DYRK1A: variants seen among roughly 807,000 people sequenced by gnomAD.
DYRK1A encodes dual specificity tyrosine phosphorylation regulated kinase 1A, also known as dual specificity tyrosine-phosphorylation-regulated kinase 1A.
In DYRK1A, 9 loss-of-function variants were observed where a neutral mutation model predicts 79.7. The observed-to-expected ratio is 0.11, with a 90% CI of 0.07 to 0.20. The LOEUF (loss-of-function observed/expected upper bound fraction) is 0.20, where lower values mean the gene tolerates loss of function less well. Ranked by LOEUF, DYRK1A falls within the 10% of genes least tolerant of loss-of-function variation. DYRK1A has a pLI of 1.00. For missense variants in DYRK1A, 622 were observed against 956.0 expected (o/e 0.65, Z 4.61); for synonymous variants, 349 against 329.7 (o/e 1.06, Z -0.63).
chr21:37,461,134 C>A (rs781629100), intron 2 of DYRK1A, among the ~76,000 whole-genome samples: 1 of 152,100 alleles, frequency 6.6e-6, no homozygotes, highest in African/African-American at 2.4e-5. Flanking sequence ...AAAAATGATA[C>A]GTGCTTGTTA....
chr21:37,511,388 G>A (rs774300218), intron 11 of DYRK1A, among the ~76,000 whole-genome samples: 1 of 152,198 alleles, frequency 6.6e-6, no homozygotes, highest in Admixed American at 6.5e-5. Flanking sequence ...TTGTGTTAGC[G>A]TAGGCAAGAG....
chr21:37,430,264 C>T (rs1303864216), intron 2 of DYRK1A: 1 of 954,880 alleles, frequency 1.0e-6, no homozygotes, highest in Non-Finnish European at 1.2e-6. Flanking sequence ...TTATTTTTGT[C>T]TTAGAATCTT....
chr21:37,442,056 GCT>G (rs1295558809), intron 2 of DYRK1A, among the ~76,000 whole-genome samples: 2 of 149,462 alleles, frequency 1.3e-5, no homozygotes, highest in Non-Finnish European at 3.0e-5. Context: ...TGCACCATCT[GCT>G]CTCTCGCATT....
chr21:37,417,523 CTTTTTCTTTTTTT>C (rs1420199827), intron 1 of DYRK1A, among the ~76,000 whole-genome samples: 913 of 46,998 alleles, frequency 0.019, 4 homozygotes, highest in Middle Eastern at 0.083. Flanking sequence ...TTTTCTTTTT[CTTTTTCTTTTTTT>C]TTTTTTTTTT....
At chr21:37,487,291 A>G (rs535094360) in intron 6 of DYRK1A, 11 of 152,240 alleles carry the variant, frequency 7.2e-5, no homozygotes, top group African/African-American at 2.4e-4. Flanking sequence ...ACTTCTGCCT[A>G]CTCCAAAGTC....
At chr21:37,491,869 A>G (rs1347798199) in intron 7 of DYRK1A, among the ~76,000 whole-genome samples, 2 of 152,210 alleles carry the variant, frequency 1.3e-5, no homozygotes, top group Admixed American at 1.3e-4. Flanking sequence ...TATCCCTACA[A>G]TAAGTTTTTA....
intron 2 of DYRK1A, among the ~76,000 whole-genome samples, chr21:37,449,202 T>TTATTTGTTATTAAA (rs2051366458): frequency 6.6e-6 from 1 of 152,218 alleles, no homozygotes; most frequent in Admixed American, 6.5e-5. Flanking sequence ...TGACATTTAA[T>TTATTTGTTATTAAA]TATTTGTTAT....
At chr21:37,427,987 C>T (rs1042365920) in intron 2 of DYRK1A, among the ~76,000 whole-genome samples, 1 of 151,844 alleles carries the variant, frequency 6.6e-6, no homozygotes, top group African/African-American at 2.4e-5. Flanking sequence ...TTACTAGATG[C>T]CAATGACTAT....
At chr21:37,439,861 G>A (rs961659251) in intron 2 of DYRK1A, among the ~76,000 whole-genome samples, 19 of 151,926 alleles carry the variant, frequency 1.3e-4, no homozygotes, top group Non-Finnish European at 1.5e-5. Flanking sequence ...TTACCACATG[G>A]TTTTTATTTT....
intron 3 of DYRK1A, among the ~76,000 whole-genome samples, chr21:37,475,789 T>C (rs1459249848): frequency 6.6e-6 from 1 of 152,182 alleles, no homozygotes; most frequent in Non-Finnish European, 1.5e-5. Context: ...ATGTACTGTA[T>C]ATTTGAAATT....
chr21:37,501,165 GGT>G (rs2053433439), intron 9 of DYRK1A, among the ~76,000 whole-genome samples: 1 of 112,990 alleles, frequency 8.9e-6, no homozygotes. Flanking sequence ...TGTTGTTGTT[GGT>G]TTTTTTTTTT....
chr21:37,365,797 G>C (rs1253534391), upstream of DYRK1A: 2 of 152,534 alleles, frequency 1.3e-5, no homozygotes, highest in African/African-American at 4.8e-5. Context: ...TTCATCTAAA[G>C]GGCATTCCGA....
At chr21:37,486,393 A>G in intron 5 of DYRK1A, 74 bp from the exon 6 acceptor site, 1 of 1,177,000 alleles carries the variant, frequency 8.5e-7, no homozygotes, top group Non-Finnish European at 1.1e-6. Flanking sequence ...AAATGTTATA[A>G]TTAAGGTGAA....
chr21:37,369,198 T>C (rs187731742), intron 1 of DYRK1A, among the ~76,000 whole-genome samples: 10 of 152,324 alleles, frequency 6.6e-5, no homozygotes, highest in Non-Finnish European at 7.4e-5. Context: ...ATATTTAGCA[T>C]TTTGATTTTG....
intron 3 of DYRK1A, among the ~76,000 whole-genome samples, chr21:37,476,938 C>G (rs2052419827): frequency 6.6e-6 from 1 of 150,754 alleles, no homozygotes; most frequent in African/African-American, 2.5e-5. Context: ...TTTGAGTATA[C>G]ATGCAGAAGA....
chr21:37,442,273 T>G (rs942144831), intron 2 of DYRK1A, among the ~76,000 whole-genome samples: 1 of 152,158 alleles, frequency 6.6e-6, no homozygotes, highest in Non-Finnish European at 1.5e-5. Context: ...TTGGAAGATT[T>G]TTGACCATTA....
chr21:37,496,328 A>G (rs2148628013), intron 9 of DYRK1A, 70 bp downstream of exon 9: 1 of 1,458,504 alleles, frequency 6.9e-7, no homozygotes, highest in Non-Finnish European at 9.3e-7. Flanking sequence ...TTTATAGCTC[A>G]TTTTGCATTT....
intron 4 of DYRK1A, among the ~76,000 whole-genome samples, chr21:37,479,589 G>GTTTTTTTTT (rs1569361929): frequency 8.1e-5 from 6 of 74,382 alleles, no homozygotes; most frequent in African/African-American, 3.3e-4. Flanking sequence ...CAGTGTTGGT[G>GTTTTTTTTT]TTTTGTTTTT....
Position 37,426,562 on chromosome 21 carries a change from A to G in DYRK1A, c.10+6178A>G, listed in dbSNP as rs370941280. On this transcript the variant is annotated intron_variant, in intron 2 of 11. Transcript: ENST00000647188. ...AGAGAAGTAAAAGATAATTTAAAAA[A>G]TGAAACCTAAACAGAGTGAAAAACA... 1.1e-4 allele frequency among the ~76,000 whole-genome samples: 16 copies of G among 152,244 alleles called. No homozygotes were observed. In the East Asian group the frequency reaches 2.5e-3, roughly 24 times the overall value.
Sources: allele counts gnomAD v4.1 joint callset (sites outside exome capture counted in the v4.1 genomes callset), GRCh38; gene constraint gnomAD v4.1.1; transcripts MANE v1.5; gene names NCBI Gene and HGNC (gene_info 2026-07-23, HGNC 2026-07-21).